The following PCDH11Y variants were observed in gnomAD, a reference collection of about 807,000 sequenced individuals.
PCDH11Y encodes the protein protocadherin 11 Y-linked.
For synonymous variants in PCDH11Y, 9 were observed against 83.6 expected (o/e 0.11, Z 4.87); for missense variants, 12 against 224.8 (o/e 0.05, Z 6.05).
intron 3 of PCDH11Y, among the ~76,000 whole-genome samples, chrY:5,540,095 A>C: frequency 3.1e-5 from 1 of 31,938 alleles, no homozygotes; most frequent in Non-Finnish European, 7.8e-5. Flanking sequence ...TCTTTCCTCT[A>C]TCCTCCCCTT....
At chrY:5,638,924 A>G (rs2124704849) in intron 4 of PCDH11Y, among the ~76,000 whole-genome samples, 1 of 25,488 alleles carries the variant, frequency 3.9e-5, no homozygotes, top group African/African-American at 1.5e-4. Flanking sequence ...TCAGTATGTC[A>G]TATTTACAAG....
chrY:5,586,044 G>T, intron 4 of PCDH11Y, among the ~76,000 whole-genome samples: 1 of 30,484 alleles, frequency 3.3e-5, no homozygotes, highest in Non-Finnish European at 7.9e-5. Flanking sequence ...CTCTGGCTTT[G>T]TTCATTTTGT....
chrY:5,042,046 C>A, intron 3 of PCDH11Y, among the ~76,000 whole-genome samples: 1 of 32,744 alleles, frequency 3.1e-5, no homozygotes, highest in African/African-American at 1.2e-4. Flanking sequence ...AAATTTTCTC[C>A]CATTTTGTAG....
chrY:5,741,717 G>C, exon 5 of PCDH11Y: 1 of 31,256 alleles, frequency 3.2e-5, no homozygotes, highest in Non-Finnish European at 7.8e-5. Context: ...TACCACACCA[G>C]ATCAATTTTA....
chrY:5,258,186 T>C, intron 2 of PCDH11Y, among the ~76,000 whole-genome samples: 1 of 30,625 alleles, frequency 3.3e-5, no homozygotes, highest in Admixed American at 3.0e-4. Context: ...TGTATATTTG[T>C]GTCTTCTCTC....
downstream of PCDH11Y, chrY:5,105,160 T>C (rs2052787587): frequency 8.6e-6 from 1 of 116,738 alleles, no homozygotes; most frequent in African/African-American, 1.1e-4. Context: ...GAGAATGGCG[T>C]GAACCCGGGA....
At chrY:5,390,278 A>G in intron 2 of PCDH11Y, among the ~76,000 whole-genome samples, 1 of 33,961 alleles carries the variant, frequency 2.9e-5, no homozygotes, top group Non-Finnish European at 7.3e-5. Flanking sequence ...TTGTCTGTAC[A>G]GGGTATTTGT....
In PCDH11Y at chrY:5,493,024, A is replaced by T. The variant is rs2053340504; in HGVS notation, c.3130-8033A>T. Reference sequence around the variant, plus strand: ...TCAACACACTAACGAAATTACTAGCATACTGGCCGATGTGTGCATTCTCCA... The same window carrying T: ...TCAACACACTAACGAAATTACTAGCTTACTGGCCGATGTGTGCATTCTCCA... On this transcript the variant is annotated intron_variant, in intron 2 of 4. Coordinates refer to the PCDH11Y transcript ENST00000400457. Among the ~76,000 whole-genome samples the T allele has an allele frequency of 2.4e-4, 8 of 33,638 alleles. No individual in the cohort carries two copies. In the South Asian group the frequency reaches 4.6e-3, roughly 19 times the overall value. 90.2% of individuals were successfully genotyped at this position (33,638 alleles called of 37,273 possible).
In PCDH11Y at chrY:5,279,128, C is replaced by T. The variant is rs201969100; in HGVS notation, c.3129+178421C>T. ...AAGTAACCACAGTGTGTGCCTGGCA[C>T]GGTGGCTCACGCCTGTAATCTCAGC... On this transcript the variant is annotated intron_variant, in intron 2 of 4. Coordinates refer to the PCDH11Y transcript ENST00000400457. Among the ~76,000 whole-genome samples, 56 of 32,413 alleles carry T rather than the reference C, an allele frequency of 1.7e-3. No individual in the cohort carries two copies. In the East Asian group the frequency reaches 0.044, roughly 25 times the overall value. The allele number at this position is 32,413 out of a possible 37,273, so 87.0% of individuals were successfully genotyped here. A position where few individuals can be genotyped will look rare whatever the true frequency, so the allele number is the denominator to read the frequency against.
intron 2 of PCDH11Y, among the ~76,000 whole-genome samples, chrY:5,343,366 G>T (rs2053148270): frequency 3.5e-5 from 1 of 28,580 alleles, no homozygotes; most frequent in Admixed American, 3.3e-4. Context: ...CCATTCTCCT[G>T]CCTCAGCCTC....
intron 2 of PCDH11Y, among the ~76,000 whole-genome samples, chrY:5,472,378 C>G: frequency 3.2e-5 from 1 of 31,243 alleles, no homozygotes; most frequent in African/African-American, 1.2e-4. Context: ...CCCAGATTTC[C>G]AAAACTGCTG....
intron 1 of PCDH11Y, among the ~76,000 whole-genome samples, chrY:5,072,599 A>G: frequency 3.0e-5 from 1 of 33,172 alleles, no homozygotes; most frequent in South Asian, 6.6e-4. Context: ...TCATAAACTT[A>G]TGTTTACTGA....
At chrY:5,342,341 A>T in intron 2 of PCDH11Y, among the ~76,000 whole-genome samples, 1 of 33,580 alleles carries the variant, frequency 3.0e-5, no homozygotes, top group Non-Finnish European at 7.3e-5. Context: ...TTGCTGAAAC[A>T]TAAGGCCTGA....
intron 4 of PCDH11Y, among the ~76,000 whole-genome samples, chrY:5,702,981 A>G (rs2124712205): frequency 3.2e-5 from 1 of 31,558 alleles, no homozygotes. Flanking sequence ...ATTGAATTCA[A>G]ATGAATTGAA....
intron 2 of PCDH11Y, among the ~76,000 whole-genome samples, chrY:5,123,872 T>G: frequency 3.0e-5 from 1 of 33,318 alleles, no homozygotes; most frequent in African/African-American, 1.2e-4. Context: ...TTAATTTAAT[T>G]TTTATTTGAC....
intron 2 of PCDH11Y, among the ~76,000 whole-genome samples, chrY:5,481,725 T>G (rs2124685845): frequency 3.3e-4 from 11 of 33,205 alleles, no homozygotes; most frequent in African/African-American, 1.3e-3. Context: ...CTTAAAAGTG[T>G]TGTTTAATTT....
intron 2 of PCDH11Y, among the ~76,000 whole-genome samples, chrY:5,328,915 G>A: frequency 1.6e-4 from 5 of 31,647 alleles, no homozygotes; most frequent in Admixed American, 1.2e-3. Context: ...CAGGCGGGAG[G>A]GAAAGAAGGA....
At chrY:5,573,326 G>A in intron 3 of PCDH11Y, 1 of 276,695 alleles carries the variant, frequency 3.6e-6, no homozygotes, top group Non-Finnish European at 5.5e-6. Context: ...TGGGGCCTGG[G>A]GGCCTGGCCG....
chrY:5,713,493 A>G, intron 4 of PCDH11Y, among the ~76,000 whole-genome samples: 3 of 32,244 alleles, frequency 9.3e-5, no homozygotes, highest in Non-Finnish European at 1.5e-4. Context: ...CTGTATTTGC[A>G]TAAATGTGTT....
Sources: allele counts gnomAD v4.1 joint callset (sites outside exome capture counted in the v4.1 genomes callset), GRCh38; gene constraint gnomAD v4.1.1; transcripts MANE v1.5; gene names NCBI Gene and HGNC (gene_info 2026-07-23, HGNC 2026-07-21).